Variants in GRIK4 observed in about 807,000 individuals in gnomAD.
The protein encoded by GRIK4 is glutamate receptor ionotropic, kainate 4.
A neutral mutation model predicts 104.9 loss-of-function variants in GRIK4; 40 were observed. The observed-to-expected ratio is 0.38, with a 90% confidence interval of 0.30 to 0.50. GRIK4 has a LOEUF of 0.50. Among genes scored for constraint, GRIK4 ranks in the 20% least tolerant of loss-of-function variants. The pLI, the probability that GRIK4 is intolerant of heterozygous loss-of-function variation, is 0.93. For synonymous variants in GRIK4, 485 were observed against 524.9 expected (o/e 0.92, Z 1.04); for missense variants, 1,047 against 1,308.1 (o/e 0.80, Z 3.08).
At chr11:120,659,985 G>A (rs1008444957) in intron 2 of GRIK4, among the ~76,000 whole-genome samples, 1 of 152,212 alleles carries the variant, frequency 6.6e-6, no homozygotes, top group Non-Finnish European at 1.5e-5. Context: ...ACCCACTTTG[G>A]CTTCCCAAAG....
intron 1 of GRIK4, among the ~76,000 whole-genome samples, chr11:120,591,826 CTGCATCCCTCCTCCTCTTCT>C (rs1157679811): frequency 7.2e-5 from 11 of 152,202 alleles, no homozygotes; most frequent in Admixed American, 4.6e-4. Flanking sequence ...CCTCTTCCTC[CTGCATCCCTCCTCCTCTTCT>C]TGCATCCCTC....
chr11:120,624,391 T>G (rs1451866198), intron 1 of GRIK4, among the ~76,000 whole-genome samples: 5 of 151,734 alleles, frequency 3.3e-5, no homozygotes, highest in Non-Finnish European at 2.9e-5. Flanking sequence ...GATGTAGAGG[T>G]CCTGGCCCCA....
At chr11:120,949,504 TCA>T (rs1348625383) in intron 14 of GRIK4, among the ~76,000 whole-genome samples, 1 of 152,166 alleles carries the variant, frequency 6.6e-6, no homozygotes, top group African/African-American at 2.4e-5. Flanking sequence ...CTGGCCCAAC[TCA>T]CAGTCAACAG....
intron 1 of GRIK4, among the ~76,000 whole-genome samples, chr11:120,613,026 G>T: frequency 6.6e-6 from 1 of 152,308 alleles, no homozygotes. Flanking sequence ...TGAGTGGTGG[G>T]GTTGCTGGGA....
chr11:120,870,224 C>G (rs1954564325), intron 9 of GRIK4: 1 of 152,234 alleles, frequency 6.6e-6, no homozygotes, highest in Admixed American at 6.5e-5. Flanking sequence ...GGGGCTGACT[C>G]AGCCTCCTCT....
intron 1 of GRIK4, among the ~76,000 whole-genome samples, chr11:120,595,811 C>T (rs1189009246): frequency 6.6e-6 from 1 of 152,190 alleles, no homozygotes; most frequent in Non-Finnish European, 1.5e-5. Flanking sequence ...AGAGCACCTC[C>T]CAGTCTGCAC....
chr11:120,587,286 C>T (rs2135105900), intron 1 of GRIK4, among the ~76,000 whole-genome samples: 1 of 152,064 alleles, frequency 6.6e-6, no homozygotes, highest in Non-Finnish European at 1.5e-5. Context: ...CTGGGGAAGG[C>T]ACCGCGGCCA....
rs551156908 is a variant in GRIK4 at position 120,673,689 on chromosome 11, C to G, written c.82+13289C>G. On this transcript the variant is annotated intron_variant, in intron 3 of 20. Transcript: ENST00000527524. ...TGATGCTCTGGCTGTGCCCAAGCTCCTCTGGGACTATGGTCAGACCTTTTT... is the reference window on the plus strand; with the variant it reads ...TGATGCTCTGGCTGTGCCCAAGCTCGTCTGGGACTATGGTCAGACCTTTTT... 3.3e-5 allele frequency among the ~76,000 whole-genome samples: 5 copies of G among 152,218 alleles called. No homozygotes were observed. The South Asian group carries it at 1.0e-3, about 32-fold the overall frequency.
rs979347459 is a variant in GRIK4 at position 120,635,964 on chromosome 11, C to T, written c.-158-17721C>T. 1.3e-4 allele frequency among the ~76,000 whole-genome samples: 20 copies of T among 152,214 alleles called. 1 individual carries two copies. The highest frequency in any genetic ancestry group is 1.0e-3 in the Admixed American group (16 of 15,286). On this transcript the variant is annotated intron_variant, in intron 1 of 20. Transcript: ENST00000527524. ...CTGTGACCCCCAAGGCATCCGCTAT[C>T]CTGACTTCCATAGATAACGTTTTGC...
chr11:120,922,135 G>T lies in GRIK4; in HGVS notation c.1476+16642G>T, dbSNP rs565527033. Among the ~76,000 whole-genome samples, 16 of 152,316 alleles carry T rather than the reference G, an allele frequency of 1.1e-4. No homozygotes were observed. In the South Asian group the frequency reaches 2.3e-3, roughly 22 times the overall value. ...GATAGTACTAGCCTCATTACTGTGT[G>T]CCAGGAACAATACTTGCTTTACAAA... On this transcript the variant is annotated intron_variant, in intron 13 of 20. Coordinates refer to ENST00000527524, the MANE Select transcript of GRIK4 (RefSeq NM_014619.5).
Position 120,940,732 on chromosome 11 carries a change from G to C in GRIK4, c.1590+272G>C, listed in dbSNP as rs897687410. On this transcript the variant is annotated intron_variant, in intron 14 of 20. Transcript: ENST00000527524. This position sits in a 1 kb window ranked among gnomAD's most constrained non-coding sequence, Gnocchi z 4.3. Reference sequence around the variant, plus strand: ...TCATTCAATACTTGGTGGATCCTGTGTTGGTGATTGGCCCCATGGGTCACT... The same window carrying C: ...TCATTCAATACTTGGTGGATCCTGTCTTGGTGATTGGCCCCATGGGTCACT... Among the ~76,000 whole-genome samples, 1 of 152,296 alleles carries C rather than the reference G, an allele frequency of 6.6e-6. No homozygotes were observed. Among genetic ancestry groups the C allele is most frequent in the African/African-American group, 2.4e-5 (1 of 41,568 alleles).
intron 3 of GRIK4, among the ~76,000 whole-genome samples, chr11:120,672,408 C>A (rs1443459767): frequency 1.3e-5 from 2 of 152,024 alleles, no homozygotes; most frequent in African/African-American, 4.8e-5. Context: ...AAGAGTGAAA[C>A]TCTGTCTTAA....
intron 1 of GRIK4, among the ~76,000 whole-genome samples, chr11:120,596,385 A>C (rs1948801728): frequency 6.6e-6 from 1 of 152,208 alleles, no homozygotes; most frequent in South Asian, 2.1e-4. Flanking sequence ...GTGGGAAAAG[A>C]GGCTGTGGGA....
At position 120,580,235 on chromosome 11, in the gene GRIK4, CTTT is replaced by C. The variant is rs1285950469; in HGVS notation, c.-159+68349_-159+68351del. ...TCTTTCTTTCTTTCTTTCTTTCTTT[CTTT>C]CTTTCTTTCTTTCTTTTTCTTTCTT... On this transcript the variant is annotated intron_variant, in intron 1 of 20. Coordinates refer to ENST00000527524, the MANE Select transcript of GRIK4 (RefSeq NM_014619.5). Among the ~76,000 whole-genome samples, 1,089 of 142,226 alleles carry C rather than the reference CTTT, an allele frequency of 7.7e-3. 7 individuals carry two copies. The highest frequency in any genetic ancestry group is 0.03 in the African/African-American group (1,030 of 34,760). The allele number at this position is 142,226 out of a possible 152,430, so 93.3% of individuals were successfully genotyped here.
intron 4 of GRIK4, among the ~76,000 whole-genome samples, chr11:120,812,311 A>G (rs1197921124): frequency 2.0e-5 from 3 of 152,216 alleles, no homozygotes; most frequent in Non-Finnish European, 4.4e-5. Context: ...CTTTGGTGCC[A>G]TGTCGATCCC....
chr11:120,785,296 G>A (rs1368806433), intron 3 of GRIK4, among the ~76,000 whole-genome samples: 1 of 152,160 alleles, frequency 6.6e-6, no homozygotes, highest in African/African-American at 2.4e-5. Context: ...ATGTAGCTGG[G>A]GGCTCTCCAT....
chr11:120,890,702 T>C (rs888735604), intron 11 of GRIK4, among the ~76,000 whole-genome samples: 1 of 152,226 alleles, frequency 6.6e-6, no homozygotes, highest in Non-Finnish European at 1.5e-5. Context: ...TTATTATTGT[T>C]GTCTGAAGTA....
chr11:120,581,215 C>G (rs572391364), intron 1 of GRIK4, among the ~76,000 whole-genome samples: 100 of 152,136 alleles, frequency 6.6e-4, no homozygotes, highest in African/African-American at 2.3e-3. Flanking sequence ...CTTGTCTTTT[C>G]ATTTTCTCTC....
chr11:120,893,624 G>A (rs532317332), intron 11 of GRIK4, among the ~76,000 whole-genome samples: 33 of 152,190 alleles, frequency 2.2e-4, no homozygotes, highest in African/African-American at 5.6e-4. Flanking sequence ...TGAGTATGGC[G>A]GGCACCAGTC....
Sources: gnomAD v4.1 joint callset for allele counts (sites outside exome capture counted in the v4.1 genomes callset) on GRCh38, gnomAD v4.1.1 for gene constraint, Gnocchi (gnomAD v3.1) non-coding constraint, MANE v1.5 for transcripts, NCBI Gene and HGNC (gene_info 2026-07-23, HGNC 2026-07-21) for gene names.